The following ANK2 variants were observed in gnomAD, a reference collection of about 807,000 sequenced individuals.
The protein encoded by ANK2 is ankyrin 2.
ANK2 carries 83 observed loss-of-function variants against 360.5 expected under a neutral mutation model. The ratio of observed to expected loss-of-function variants is 0.23; its 90% CI spans 0.19 to 0.28. The LOEUF (loss-of-function observed/expected upper bound fraction) is 0.28. Among genes scored for constraint, ANK2 ranks in the 10% least tolerant of loss-of-function variants. The pLI is 1.00. For synonymous variants in ANK2, 1,740 were observed against 1,759.5 expected (o/e 0.99, Z 0.28); for missense variants, 4,201 against 4,795.7 (o/e 0.88, Z 3.66).
At chr4:113,096,352 C>G (rs2091019237) in intron 1 of ANK2, among the ~76,000 whole-genome samples, 1 of 152,176 alleles carries the variant, frequency 6.6e-6, no homozygotes, top group South Asian at 2.1e-4. Flanking sequence ...GTTCATTTCT[C>G]TCCCACATAA....
chr4:112,744,383 GT>G, the ANK2 span, among the ~76,000 whole-genome samples: 1 of 136,580 alleles, frequency 7.3e-6, no homozygotes, highest in African/African-American at 2.8e-5. Context: ...GTCTTGCTCT[GT>G]TGCCCAGGTT....
At position 113,369,663 on chromosome 4, in the gene ANK2, C is replaced by T. The variant is rs776355038; in HGVS notation, c.11468C>T (p.Ser3823Phe). The T allele has an allele frequency of 1.9e-6, 3 of 1,614,146 alleles. No homozygotes were observed. The highest frequency in any genetic ancestry group is 2.5e-6 in the Non-Finnish European group (3 of 1,180,020). ...CCAACATCCAGCGAGCGGGGAGGCT[C>T]TCCCATCATACAAGAACCCGAAGAG... ...QTPTSSERGG[S>F]PIIQEPEEPS... is the part of the protein sequence containing the mutation. The change falls in exon 43 of 46, where the codon TCT becomes TTT. Residue 3823 changes from serine (S) to phenylalanine (F), a missense_variant. Ser to Phe is a radical substitution (Grantham distance 155). Transcript: ENST00000357077.
rs558466663 is a variant in ANK2 at position 112,822,272 on chromosome 4, G to A, written c.-40+4008G>A. ...AAAAAAAAAAAAAAAACAAAAATTAGCCGGGCGTGGTGGCATGTGCCTGTA... is the reference window on the plus strand; with the variant it reads ...AAAAAAAAAAAAAAAACAAAAATTAACCGGGCGTGGTGGCATGTGCCTGTA... On this transcript the variant is annotated intron_variant, in intron 1 of 30. Coordinates refer to the ANK2 transcript ENST00000503271. Among the ~76,000 whole-genome samples the A allele has an allele frequency of 2.8e-3, 407 of 144,360 alleles. 4 individuals are homozygous for A. The highest frequency in any genetic ancestry group is 3.8e-3 in the Middle Eastern group (1 of 266). The allele number at this position is 144,360 out of a possible 152,430, so 94.7% of individuals were successfully genotyped here.
chr4:113,277,821 T>C lies in ANK2; in HGVS notation c.1684-16T>C. 2 of 1,592,316 alleles carry C rather than the reference T, an allele frequency of 1.3e-6. No individual in the cohort carries two copies. The highest frequency in any genetic ancestry group is 1.7e-6 in the Non-Finnish European group (2 of 1,160,252). ...AACAATAAATACGATTTTACTTTTGTTTCTCACATTTTCAGAAGGGTTTTA... is the reference window on the plus strand; with the variant it reads ...AACAATAAATACGATTTTACTTTTGCTTCTCACATTTTCAGAAGGGTTTTA... On this transcript the variant is annotated splice_polypyrimidine_tract_variant and intron_variant, in intron 15 of 45. Coordinates refer to ENST00000357077, the MANE Select transcript of ANK2 (RefSeq NM_001148.6).
the ANK2 span, chr4:112,787,970 A>G: frequency 1.7e-4 from 107 of 639,948 alleles, no homozygotes; most frequent in African/African-American, 1.8e-3. Context: ...ATCATTAATG[A>G]TTAGTGAGTC....
chr4:113,242,075 A>G (rs2153572939), intron 8 of ANK2, 36 bp from the exon 9 acceptor site: 1 of 1,559,946 alleles, frequency 6.4e-7, no homozygotes, highest in Non-Finnish European at 8.8e-7. Flanking sequence ...GCCCTGTCAT[A>G]CCCAACAGCT....
At chr4:112,870,389 A>G (rs1356532570) in intron 1 of ANK2, among the ~76,000 whole-genome samples, 1 of 152,230 alleles carries the variant, frequency 6.6e-6, no homozygotes, top group Non-Finnish European at 1.5e-5. Flanking sequence ...AGTTCAGGCC[A>G]TGAAGTTATA....
At chr4:113,272,822 AC>A (rs2059022389) in intron 14 of ANK2, among the ~76,000 whole-genome samples, 1 of 152,046 alleles carries the variant, frequency 6.6e-6, no homozygotes, top group African/African-American at 2.4e-5. Context: ...ATACCCACCC[AC>A]CTTTATCAAA....
chr4:112,898,559 T>C (rs185504259), intron 1 of ANK2, among the ~76,000 whole-genome samples: 1 of 152,190 alleles, frequency 6.6e-6, no homozygotes, highest in Non-Finnish European at 1.5e-5. Flanking sequence ...ATGTGAACTC[T>C]GGTCACTTGG....
At position 112,935,120 on chromosome 4, in the gene ANK2, A is replaced by AGTGT. The variant is rs10601105; in HGVS notation, c.21+30629_21+30632dup. Among the ~76,000 whole-genome samples, 1,406 of 148,858 alleles carry AGTGT rather than the reference A, an allele frequency of 9.4e-3. 20 individuals are homozygous for AGTGT. Among genetic ancestry groups the AGTGT allele is most frequent in the African/African-American group, 0.031 (1,273 of 40,720 alleles). Reference sequence around the variant, plus strand: ...AAGTGTAGGAACCGAAGTCAGAGAAAGTGTGTGTGTGTGTGTGTGTGTGTG... The same window carrying AGTGT: ...AAGTGTAGGAACCGAAGTCAGAGAAAGTGTGTGTGTGTGTGTGTGTGTGTGTGTG... On this transcript the variant is annotated intron_variant, in intron 2 of 30. Transcript: ENST00000503271.
At chr4:112,752,936 G>A in the ANK2 span, among the ~76,000 whole-genome samples, 6 of 152,182 alleles carry the variant, frequency 3.9e-5, no homozygotes, top group Non-Finnish European at 8.8e-5. Context: ...AAAGTGCTGG[G>A]ACTACAAGTG....
At chr4:113,037,111 C>T (rs1238010277) in intron 2 of ANK2, among the ~76,000 whole-genome samples, 1 of 151,976 alleles carries the variant, frequency 6.6e-6, no homozygotes, top group African/African-American at 2.4e-5. Context: ...CTGCCACAAT[C>T]TATGAGATTG....
At chr4:113,076,493 A>C (rs2080044928) in intron 1 of ANK2, among the ~76,000 whole-genome samples, 2 of 152,222 alleles carry the variant, frequency 1.3e-5, no homozygotes, top group Admixed American at 1.3e-4. Context: ...GTAGGATTTC[A>C]TATTCTAAGC....
chr4:113,138,511 A>C (rs554153857), intron 1 of ANK2, among the ~76,000 whole-genome samples: 2 of 152,320 alleles, frequency 1.3e-5, no homozygotes, highest in Admixed American at 6.5e-5. Flanking sequence ...AACCAGCATC[A>C]GATATTTAGT....
intron 14 of ANK2, among the ~76,000 whole-genome samples, chr4:113,269,535 C>T (rs1420177058): frequency 1.3e-5 from 2 of 152,210 alleles, no homozygotes; most frequent in African/African-American, 4.8e-5. Context: ...GAGGGAGTTC[C>T]CTGACCCCTT....
At chr4:113,021,083 G>A (rs1243414644) in intron 2 of ANK2, among the ~76,000 whole-genome samples, 1 of 152,100 alleles carries the variant, frequency 6.6e-6, no homozygotes, top group African/African-American at 2.4e-5. Flanking sequence ...TGCAGTTCAT[G>A]GCTTCTTGCC....
At chr4:112,756,259 C>G in the ANK2 span, among the ~76,000 whole-genome samples, 1 of 151,196 alleles carries the variant, frequency 6.6e-6, no homozygotes, top group African/African-American at 2.4e-5. Context: ...AAGACAGAGT[C>G]TCACTCTGCT....
intron 24 of ANK2, among the ~76,000 whole-genome samples, chr4:113,314,686 A>G (rs554800327): frequency 2.0e-5 from 3 of 152,200 alleles, no homozygotes; most frequent in Non-Finnish European, 4.4e-5. Context: ...TGCTGGTTAT[A>G]TTATTTTAGT....
intron 2 of ANK2, among the ~76,000 whole-genome samples, chr4:113,191,898 G>A (rs937612917): frequency 3.9e-5 from 6 of 152,022 alleles, no homozygotes; most frequent in African/African-American, 7.2e-5. Context: ...CTCTGCCACC[G>A]TCCCTCTCAG....
Sources: allele counts gnomAD v4.1 joint callset (sites outside exome capture counted in the v4.1 genomes callset), GRCh38; gene constraint gnomAD v4.1.1; transcripts MANE v1.5; gene names NCBI Gene and HGNC (gene_info 2026-07-23, HGNC 2026-07-21).